SLC28A3: variants seen among roughly 807,000 people sequenced by gnomAD.
SLC28A3 encodes the protein solute carrier family 28 member 3, also known as concentrative Na(+)-nucleoside cotransporter 3.
SLC28A3 carries 68 observed loss-of-function variants against 84.2 expected under a neutral mutation model. That is an observed-to-expected ratio of 0.81 (90% confidence interval 0.66 to 0.99). The LOEUF (loss-of-function observed/expected upper bound fraction) is 0.99, where lower values mean the gene tolerates loss of function less well. Among genes scored for constraint, SLC28A3 ranks in the 50% least tolerant of loss-of-function variants. The pLI, the probability that SLC28A3 is intolerant of heterozygous loss-of-function variation, is 0.00. For synonymous variants in SLC28A3, 267 were observed against 303.6 expected (o/e 0.88, Z 1.25); for missense variants, 712 against 841.5 (o/e 0.85, Z 1.90).
At chr9:84,301,790 C>T (rs945649390) in intron 5 of SLC28A3, among the ~76,000 whole-genome samples, 5 of 152,186 alleles carry the variant, frequency 3.3e-5, no homozygotes, top group Non-Finnish European at 4.4e-5. Flanking sequence ...TGGTGCCCTC[C>T]CACTGACAGG....
chr9:84,324,976 C>G (rs898473264), intron 1 of SLC28A3, among the ~76,000 whole-genome samples: 1 of 152,164 alleles, frequency 6.6e-6, no homozygotes, highest in Non-Finnish European at 1.5e-5. Context: ...TTAATTACAA[C>G]CCCTTATGAG....
At chr9:84,360,853 C>T in the SLC28A3 span, among the ~76,000 whole-genome samples, 7 of 151,968 alleles carry the variant, frequency 4.6e-5, no homozygotes, top group South Asian at 6.2e-4. Context: ...GAGGTCAGGG[C>T]TGCAGTGAGC....
At chr9:84,332,456 G>A (rs557247539) in intron 1 of SLC28A3, among the ~76,000 whole-genome samples, 15 of 152,226 alleles carry the variant, frequency 9.9e-5, no homozygotes, top group African/African-American at 3.6e-4. Context: ...GGACTGGTAG[G>A]ATGCATTATA....
At chr9:84,318,221 G>A (rs1826239122) in intron 1 of SLC28A3, among the ~76,000 whole-genome samples, 1 of 152,204 alleles carries the variant, frequency 6.6e-6, no homozygotes, top group Non-Finnish European at 1.5e-5. Context: ...CTGCCTGCCT[G>A]TGTGGGTTTA....
At chr9:84,315,940 T>C (rs1826157053) in intron 1 of SLC28A3, among the ~76,000 whole-genome samples, 1 of 152,212 alleles carries the variant, frequency 6.6e-6, no homozygotes, top group Admixed American at 6.5e-5. Context: ...CTCTGTTGAA[T>C]GTGTAAGAAA....
chr9:84,330,222 C>T (rs1826725718), intron 1 of SLC28A3, among the ~76,000 whole-genome samples: 1 of 151,422 alleles, frequency 6.6e-6, no homozygotes, highest in South Asian at 2.1e-4. Context: ...TAACCATAAA[C>T]CTCCCAACAA....
chr9:84,282,823 C>CGAA (rs1371390619), intron 14 of SLC28A3, among the ~76,000 whole-genome samples: 2 of 152,214 alleles, frequency 1.3e-5, no homozygotes, highest in Non-Finnish European at 2.9e-5. Context: ...ATGCTACACT[C>CGAA]ATTCAAGACT....
chr9:84,293,604 C>T (rs1441870276), intron 9 of SLC28A3, among the ~76,000 whole-genome samples: 1 of 152,202 alleles, frequency 6.6e-6, no homozygotes, highest in East Asian at 1.9e-4. Context: ...GCTCCTTGTC[C>T]TCTGATCTAA....
the SLC28A3 span, among the ~76,000 whole-genome samples, chr9:84,358,962 C>T: frequency 6.6e-6 from 1 of 152,164 alleles, no homozygotes; most frequent in Admixed American, 6.5e-5. Context: ...ACCACCACAC[C>T]TGGCTAATTT....
At chr9:84,288,251 C>T in intron 11 of SLC28A3, 73 bp from the exon 12 acceptor site, 1 of 1,597,700 alleles carries the variant, frequency 6.3e-7, no homozygotes, top group East Asian at 2.3e-5. Flanking sequence ...GGTCCAAGAG[C>T]TCCGCAAGGG....
chr9:84,343,727 T>C (rs1227887939), upstream of SLC28A3, among the ~76,000 whole-genome samples: 1 of 152,222 alleles, frequency 6.6e-6, no homozygotes, highest in Non-Finnish European at 1.5e-5. Context: ...GGCCATTGAT[T>C]TATGTATTGT....
chr9:84,315,586 C>A (rs1346732953), intron 1 of SLC28A3, among the ~76,000 whole-genome samples: 1 of 152,138 alleles, frequency 6.6e-6, no homozygotes, highest in Non-Finnish European at 1.5e-5. Flanking sequence ...AACAAGAGCA[C>A]GTGTGGTTTT....
chr9:84,295,324 C>T (rs544896860), intron 8 of SLC28A3, among the ~76,000 whole-genome samples: 2 of 152,280 alleles, frequency 1.3e-5, no homozygotes, highest in African/African-American at 2.4e-5. Context: ...GTGGCTCACA[C>T]CTGTAATCCC....
At chr9:84,317,259 G>T (rs73651760) in intron 1 of SLC28A3, among the ~76,000 whole-genome samples, 1 of 152,116 alleles carries the variant, frequency 6.6e-6, no homozygotes, top group Non-Finnish European at 1.5e-5. Context: ...ATTAAATTCC[G>T]TTTGGAAATT....
intron 1 of SLC28A3, among the ~76,000 whole-genome samples, chr9:84,316,335 A>G (rs1826168714): frequency 6.6e-6 from 1 of 152,248 alleles, no homozygotes; most frequent in African/African-American, 2.4e-5. Context: ...TACATATCCA[A>G]GCTTCCCTTG....
intron 1 of SLC28A3, among the ~76,000 whole-genome samples, chr9:84,313,949 G>A (rs751821182): frequency 6.6e-5 from 10 of 151,932 alleles, no homozygotes; most frequent in Non-Finnish European, 1.2e-4. Flanking sequence ...ATACAAAAGT[G>A]GTCCAGGGGA....
the SLC28A3 span, among the ~76,000 whole-genome samples, chr9:84,349,683 C>T: frequency 6.6e-6 from 1 of 152,170 alleles, no homozygotes; most frequent in Non-Finnish European, 1.5e-5. Flanking sequence ...CTCTAGGGCT[C>T]TGTCAGTGTT....
chr9:84,284,091 G>T (rs183385960), intron 14 of SLC28A3, among the ~76,000 whole-genome samples: 2 of 152,256 alleles, frequency 1.3e-5, no homozygotes, highest in East Asian at 3.9e-4. Flanking sequence ...ATTGCTTCGT[G>T]CTGCCAGAAC....
At chr9:84,286,444 G>GTTTTT (rs1824990227) in intron 12 of SLC28A3, among the ~76,000 whole-genome samples, 2 of 90,442 alleles carry the variant, frequency 2.2e-5, no homozygotes, top group Non-Finnish European at 2.1e-5. Flanking sequence ...ACCATGCTTG[G>GTTTTT]CTTTTTTTTT....
Sources: allele counts gnomAD v4.1 joint callset (sites outside exome capture counted in the v4.1 genomes callset), GRCh38; gene constraint gnomAD v4.1.1; transcripts MANE v1.5; gene names NCBI Gene and HGNC (gene_info 2026-07-23, HGNC 2026-07-21).